ZSWIM6: variants seen among roughly 807,000 people sequenced by gnomAD.
ZSWIM6 encodes the protein zinc finger SWIM domain-containing protein 6.
A neutral mutation model predicts 113.2 loss-of-function variants in ZSWIM6; 9 were observed. The ratio of observed to expected loss-of-function variants is 0.08; its 90% CI spans 0.05 to 0.14. The LOEUF is 0.14. Among genes scored for constraint, ZSWIM6 ranks in the 10% least tolerant of loss-of-function variants. The pLI is 1.00. For missense variants in ZSWIM6, 1,162 were observed against 1,552.2 expected, an observed-to-expected ratio of 0.75 and a Z score of 4.22; for synonymous variants, 611 against 606.5, an observed-to-expected ratio of 1.01 and a Z score of -0.11.
chr5:61,425,043 T>G (rs1041818941), intron 1 of ZSWIM6, among the ~76,000 whole-genome samples: 2 of 152,186 alleles, frequency 1.3e-5, no homozygotes, highest in East Asian at 1.9e-4. Flanking sequence ...ATGTGTAAAC[T>G]TTAGCAAGTT....
chr5:61,370,654 C>T (rs973972599), intron 1 of ZSWIM6, among the ~76,000 whole-genome samples: 6 of 152,112 alleles, frequency 3.9e-5, no homozygotes, highest in Admixed American at 1.3e-4. Context: ...TCACTCTGCC[C>T]GTATTTTCTT....
At chr5:61,504,011 G>T (rs1561267553) in intron 4 of ZSWIM6, among the ~76,000 whole-genome samples, 1 of 152,216 alleles carries the variant, frequency 6.6e-6, no homozygotes, top group East Asian at 1.9e-4. Context: ...GTGAAAATAT[G>T]TGCCTGATAT....
At chr5:61,356,624 G>A (rs1255837653) in intron 1 of ZSWIM6, among the ~76,000 whole-genome samples, 1 of 145,320 alleles carries the variant, frequency 6.9e-6, no homozygotes, top group Middle Eastern at 3.4e-3. Context: ...AAAAACGTTG[G>A]CTTTTATAGT....
intron 1 of ZSWIM6, among the ~76,000 whole-genome samples, chr5:61,392,735 C>T (rs1745748953): frequency 6.6e-6 from 1 of 151,556 alleles, no homozygotes; most frequent in African/African-American, 2.4e-5. Flanking sequence ...GCCTCAGCCT[C>T]CTGAGTAGCC....
intron 1 of ZSWIM6, among the ~76,000 whole-genome samples, chr5:61,470,343 C>T (rs1036015361): frequency 1.3e-5 from 2 of 152,166 alleles, no homozygotes; most frequent in South Asian, 4.1e-4. Context: ...CAGAGTTTGC[C>T]TTGAACTAAA....
intron 1 of ZSWIM6, among the ~76,000 whole-genome samples, chr5:61,469,893 G>C (rs890113514): frequency 6.6e-6 from 1 of 152,140 alleles, no homozygotes; most frequent in African/African-American, 2.4e-5. Flanking sequence ...ATTTTTAGTA[G>C]AGACGGGGTT....
intron 1 of ZSWIM6, among the ~76,000 whole-genome samples, chr5:61,469,738 C>T (rs555029282): frequency 5.9e-5 from 9 of 152,042 alleles, no homozygotes; most frequent in South Asian, 2.1e-4. Flanking sequence ...CTCACTCTGT[C>T]GCCCAGGCTG....
intron 3 of ZSWIM6, among the ~76,000 whole-genome samples, chr5:61,493,399 T>C (rs2112218311): frequency 6.6e-6 from 1 of 152,304 alleles, no homozygotes; most frequent in African/African-American, 2.4e-5. Flanking sequence ...CATTGAATTG[T>C]ACGTTTTAAA....
intron 1 of ZSWIM6, among the ~76,000 whole-genome samples, chr5:61,393,523 T>C (rs1195443231): frequency 6.6e-6 from 1 of 152,174 alleles, no homozygotes; most frequent in Non-Finnish European, 1.5e-5. Context: ...TATTGAGAAA[T>C]GTTTAATTTT....
At chr5:61,462,084 C>G (rs1319664383) in intron 1 of ZSWIM6, among the ~76,000 whole-genome samples, 1 of 152,148 alleles carries the variant, frequency 6.6e-6, no homozygotes, top group Non-Finnish European at 1.5e-5. Context: ...AGCTAGTGTT[C>G]CTTGAGATTC....
intron 1 of ZSWIM6, among the ~76,000 whole-genome samples, chr5:61,392,142 C>T (rs1448870733): frequency 6.6e-6 from 1 of 152,136 alleles, no homozygotes; most frequent in African/African-American, 2.4e-5. Flanking sequence ...TGTATAGATA[C>T]TCTAACTTTC....
intron 1 of ZSWIM6, among the ~76,000 whole-genome samples, chr5:61,334,360 C>T (rs574864765): frequency 5.9e-5 from 9 of 152,194 alleles, no homozygotes; most frequent in Admixed American, 2.0e-4. Context: ...ATTTTCTGAC[C>T]CCCTCCCATG....
chr5:61,502,339 A>C (rs978235118), intron 4 of ZSWIM6, among the ~76,000 whole-genome samples: 1 of 152,172 alleles, frequency 6.6e-6, no homozygotes, highest in African/African-American at 2.4e-5. Flanking sequence ...CGTTAGGCTC[A>C]TGATGGGGAG....
At chr5:61,362,339 C>T (rs1173044040) in intron 1 of ZSWIM6, among the ~76,000 whole-genome samples, 2 of 151,962 alleles carry the variant, frequency 1.3e-5, no homozygotes, top group Non-Finnish European at 2.9e-5. Context: ...GCTGGAATTA[C>T]GGGTGTGCGC....
Position 61,472,713 on chromosome 5 carries a change from G to A in ZSWIM6, c.709G>A (p.Ala237Thr). The part of the protein sequence containing the change: ...FHLSGTVTEP[A>T]IQSEPETVCN... Reference sequence around the variant, plus strand: ...CTTGAGCGGCACAGTGACAGAACCTGCAATACAATCGGAGCCAGAAACTGT... The same window carrying A: ...CTTGAGCGGCACAGTGACAGAACCTACAATACAATCGGAGCCAGAAACTGT... The change falls in exon 2 of 14, where the codon GCA becomes ACA. Residue 237 changes from alanine to threonine, a missense_variant. This residue lies in a region of ZSWIM6 where 96 missense variants were observed against 240.3 expected (regional missense o/e 0.40). Transcript: ENST00000252744. The surrounding 1 kb of genome is among the most constrained non-coding windows in gnomAD (Gnocchi z 4.1). 1 of 1,545,974 alleles carries A rather than the reference G, an allele frequency of 6.5e-7. No individual in the cohort carries two copies. Among genetic ancestry groups the A allele is most frequent in the South Asian group, 1.2e-5 (1 of 83,096 alleles).
At chr5:61,369,769 A>T (rs186786959) in intron 1 of ZSWIM6, among the ~76,000 whole-genome samples, 1 of 152,160 alleles carries the variant, frequency 6.6e-6, no homozygotes, top group African/African-American at 2.4e-5. Context: ...CATCCCTGCC[A>T]TACCTCAGAA....
intron 1 of ZSWIM6, among the ~76,000 whole-genome samples, chr5:61,346,008 G>A (rs1188106925): frequency 2.0e-5 from 3 of 152,062 alleles, no homozygotes; most frequent in Non-Finnish European, 2.9e-5. Flanking sequence ...GCAGTGGCGC[G>A]ATCTCAGCTC....
At position 61,332,788 on chromosome 5, in the gene ZSWIM6, C is replaced by A. The variant is rs1455523258; in HGVS notation, c.516C>A (p.Ala172=). The change falls in exon 1 of 14, where the codon GCC becomes GCA. Residue 172 remains alanine, a synonymous_variant. Coordinates refer to ENST00000252744, the MANE Select transcript of ZSWIM6 (RefSeq NM_020928.2). ...CGGCCGCAACCTCGGCCGCCGCCGC[C>A]GCTGCCGCCGCCGCCGCCGCCGCCG... ...TSAAATSAAA[A]AAAAAAAAAA... 5 of 814,296 alleles carry A rather than the reference C, an allele frequency of 6.1e-6. No individual in the cohort carries two copies. The highest frequency in any genetic ancestry group is 7.3e-6 in the Non-Finnish European group (5 of 686,302). 50.4% of individuals were successfully genotyped at this position (814,296 alleles called of 1,614,324 possible).
In ZSWIM6 at chr5:61,387,942, C is replaced by T. The variant is rs560320513; in HGVS notation, c.676+54994C>T. 2.7e-5 allele frequency among the ~76,000 whole-genome samples: 4 copies of T among 145,602 alleles called. No homozygotes were observed. In the South Asian group the frequency reaches 8.6e-4, roughly 31 times the overall value. On this transcript the variant is annotated intron_variant, in intron 1 of 13. Transcript: ENST00000252744. ...GGGGAGAAAAGCACTTTCCTACTAC[C>T]TAAGTTTTACAGAAGTGATATTTTA...
Sources: allele counts gnomAD v4.1 joint callset (sites outside exome capture counted in the v4.1 genomes callset), GRCh38; gene constraint gnomAD v4.1.1; regional missense constraint gnomAD v4.1.1; non-coding constraint Gnocchi (gnomAD v3.1); transcripts MANE v1.5; gene names NCBI Gene and HGNC (gene_info 2026-07-23, HGNC 2026-07-21).